The following GFOD2 variants were observed in gnomAD, a reference collection of about 807,000 sequenced individuals.
GFOD2 encodes the protein glucose-fructose oxidoreductase domain-containing protein 2.
In GFOD2, 9 loss-of-function variants were observed where a neutral mutation model predicts 24.6. That is an observed-to-expected ratio of 0.37 (90% CI 0.22 to 0.64). The LOEUF (loss-of-function observed/expected upper bound fraction) is 0.64. Ranked by LOEUF, GFOD2 falls within the 30% of genes least tolerant of loss-of-function variation. The probability of loss-of-function intolerance (pLI) is 0.65; values close to 1 mark genes in which losing one functional copy is unlikely to be tolerated. For synonymous variants in GFOD2, 211 were observed against 224.8 expected, an observed-to-expected ratio of 0.94 and a Z score of 0.55; for missense variants, 476 against 532.5, an observed-to-expected ratio of 0.89 and a Z score of 1.04.
intron 1 of GFOD2, among the ~76,000 whole-genome samples, chr16:67,693,591 G>A (rs952179729): frequency 2.6e-5 from 4 of 151,884 alleles, no homozygotes; most frequent in African/African-American, 4.8e-5. Context: ...TTTGGGAAGT[G>A]GAAAAATGTA....
intron 1 of GFOD2, among the ~76,000 whole-genome samples, chr16:67,708,016 G>A (rs556139692): frequency 6.6e-6 from 1 of 152,252 alleles, no homozygotes; most frequent in South Asian, 2.1e-4. Context: ...GGAGGGAATC[G>A]AACAGAAAGA....
intron 2 of GFOD2, chr16:67,683,636 C>A: frequency 8.1e-7 from 1 of 1,231,716 alleles, no homozygotes; most frequent in Non-Finnish European, 1.0e-6. Flanking sequence ...AATTGACAAC[C>A]GGACAGACTG....
intron 1 of GFOD2, among the ~76,000 whole-genome samples, chr16:67,715,252 G>A (rs2062530952): frequency 6.6e-6 from 1 of 152,092 alleles, no homozygotes; most frequent in Admixed American, 6.6e-5. Context: ...TACAGACGGG[G>A]TTTCACTATG....
At chr16:67,686,658 C>T (rs1355323063) in intron 1 of GFOD2, among the ~76,000 whole-genome samples, 1 of 149,782 alleles carries the variant, frequency 6.7e-6, no homozygotes, top group African/African-American at 2.5e-5. Flanking sequence ...GGCCAAACCC[C>T]ATCTCTGCTA....
At chr16:67,707,363 A>G (rs925601905) in intron 1 of GFOD2, among the ~76,000 whole-genome samples, 3 of 152,024 alleles carry the variant, frequency 2.0e-5, no homozygotes, top group African/African-American at 7.2e-5. Context: ...ATTTCAAAAA[A>G]AAAAAAAAAA....
chr16:67,704,287 G>T (rs1427601035), intron 1 of GFOD2, among the ~76,000 whole-genome samples: 1 of 152,142 alleles, frequency 6.6e-6, no homozygotes, highest in East Asian at 1.9e-4. Context: ...GTCCCTACCA[G>T]CTTTGTGTCA....
intron 2 of GFOD2, chr16:67,676,367 T>C: frequency 3.2e-6 from 1 of 316,212 alleles, no homozygotes; most frequent in East Asian, 7.5e-5. Context: ...TCCTCCTGCC[T>C]TGGCCTCCCA....
At chr16:67,697,422 TG>T in intron 1 of GFOD2, among the ~76,000 whole-genome samples, 1 of 152,314 alleles carries the variant, frequency 6.6e-6, no homozygotes, top group East Asian at 1.9e-4. Context: ...AGTAGAAATA[TG>T]AGGGTCATAA....
chr16:67,683,581 C>T (rs2053243878), intron 2 of GFOD2: 4 of 1,231,682 alleles, frequency 3.2e-6, no homozygotes, highest in African/African-American at 1.6e-5. Flanking sequence ...TCAGAGAGAG[C>T]TCTCTGGAAG....
intron 1 of GFOD2, among the ~76,000 whole-genome samples, chr16:67,712,200 C>A (rs1433363798): frequency 6.6e-6 from 1 of 151,698 alleles, no homozygotes; most frequent in East Asian, 1.9e-4. Flanking sequence ...ACCATATATA[C>A]TGAGCTCACC....
intron 2 of GFOD2, chr16:67,683,868 T>A: frequency 8.4e-7 from 1 of 1,190,600 alleles, no homozygotes; most frequent in Non-Finnish European, 1.0e-6. Context: ...TTGGCTCCTA[T>A]TACCTCACAT....
At chr16:67,676,262 G>T in intron 2 of GFOD2, 1 of 588,970 alleles carries the variant, frequency 1.7e-6, no homozygotes, top group East Asian at 2.9e-5. Flanking sequence ...CTCCTAAGTG[G>T]GACCACAGGT....
intron 1 of GFOD2, among the ~76,000 whole-genome samples, chr16:67,713,667 T>C (rs2053490651): frequency 6.6e-6 from 1 of 152,166 alleles, no homozygotes; most frequent in African/African-American, 2.4e-5. Flanking sequence ...ATGAAGAAGG[T>C]GCATAGGGCA....
intron 1 of GFOD2, among the ~76,000 whole-genome samples, chr16:67,687,387 T>TA (rs1228230441): frequency 6.6e-6 from 1 of 151,820 alleles, no homozygotes; most frequent in Non-Finnish European, 1.5e-5. Context: ...ATGCCTGTAA[T>TA]CCCAGCACTT....
intron 1 of GFOD2, among the ~76,000 whole-genome samples, chr16:67,715,531 A>T (rs1485455534): frequency 6.6e-6 from 1 of 151,804 alleles, no homozygotes; most frequent in African/African-American, 2.4e-5. Context: ...AGTATCTCCT[A>T]CCATTCTAAC....
In GFOD2 at chr16:67,674,756, C is replaced by A. The variant is rs144768891; in HGVS notation, c.*399G>T. 1 of 172,002 alleles carries A rather than the reference C, an allele frequency of 5.8e-6. No homozygotes were observed. Among genetic ancestry groups the A allele is most frequent in the Non-Finnish European group, 1.2e-5 (1 of 80,602 alleles). 10.7% of individuals were successfully genotyped at this position (172,002 alleles called of 1,614,324 possible). On this transcript the variant is annotated 3_prime_UTR_variant, in exon 3 of 3. Transcript: ENST00000268797. ...CCTCACTGTTCCTGAGATGCCCCAG[C>A]CCAAGAACGAAACAAAACTTCTCAT...
At chr16:67,678,760 T>C (rs535442010) in intron 2 of GFOD2, among the ~76,000 whole-genome samples, 2 of 152,320 alleles carry the variant, frequency 1.3e-5, no homozygotes, top group African/African-American at 4.8e-5. Flanking sequence ...AAGCAGTATA[T>C]GTAAAGTACC....
intron 1 of GFOD2, among the ~76,000 whole-genome samples, chr16:67,686,551 C>T (rs1022947624): frequency 2.0e-5 from 3 of 152,010 alleles, no homozygotes; most frequent in Non-Finnish European, 2.9e-5. Context: ...GAGTGGAGGC[C>T]AGGCACAGTG....
chr16:67,703,288 AG>A (rs1458780034), intron 1 of GFOD2, among the ~76,000 whole-genome samples: 6 of 152,174 alleles, frequency 3.9e-5, no homozygotes, highest in African/African-American at 1.4e-4. Context: ...CTGTAATCCC[AG>A]CCACTTGGGA....
Sources: gnomAD v4.1 joint callset for allele counts (sites outside exome capture counted in the v4.1 genomes callset) on GRCh38, gnomAD v4.1.1 for gene constraint, MANE v1.5 for transcripts, NCBI Gene and HGNC (gene_info 2026-07-23, HGNC 2026-07-21) for gene names.